Variants in LEKR1 observed in about 807,000 individuals in gnomAD.
LEKR1 encodes protein LEKR1.
In LEKR1, 59 loss-of-function variants were observed where a neutral mutation model predicts 72.4. The observed-to-expected ratio is 0.82, with a 90% CI of 0.66 to 1.01. The LOEUF is 1.01. Ranked by LOEUF, LEKR1 falls within the 50% of genes least tolerant of loss-of-function variation. The probability of loss-of-function intolerance (pLI) is 0.00; values close to 1 mark genes in which losing one functional copy is unlikely to be tolerated. For synonymous variants in LEKR1, 257 were observed against 263.2 expected, an observed-to-expected ratio of 0.98 and a Z score of 0.23; for missense variants, 728 against 759.2, an observed-to-expected ratio of 0.96 and a Z score of 0.48.
chr3:157,012,512 C>T (rs1281972818), intron 10 of LEKR1, among the ~76,000 whole-genome samples: 2 of 152,118 alleles, frequency 1.3e-5, no homozygotes, highest in East Asian at 1.9e-4. Flanking sequence ...TGCCATCCAG[C>T]ATACTGAAAC....
chr3:156,854,769 G>C (rs1715842009), intron 3 of LEKR1, among the ~76,000 whole-genome samples: 1 of 151,292 alleles, frequency 6.6e-6, no homozygotes, highest in African/African-American at 2.4e-5. Flanking sequence ...GCCTATGTTG[G>C]TCTCGAACTC....
At chr3:156,974,643 T>C (rs566801524) in intron 6 of LEKR1, among the ~76,000 whole-genome samples, 17 of 152,254 alleles carry the variant, frequency 1.1e-4, no homozygotes, top group Non-Finnish European at 2.2e-4. Flanking sequence ...CTTGGGCACA[T>C]AGAACAGAGT....
In LEKR1 at chr3:157,038,487, T is replaced by C. The variant is rs113483037; in HGVS notation, c.1669-6853T>C. Among the ~76,000 whole-genome samples, 225 of 152,300 alleles carry C rather than the reference T, an allele frequency of 1.5e-3. 1 individual carries two copies. The highest frequency in any genetic ancestry group is 5.2e-3 in the African/African-American group (216 of 41,564). On this transcript the variant is annotated intron_variant, in intron 12 of 12. Coordinates refer to ENST00000356539, the MANE Select transcript of LEKR1 (RefSeq NM_001004316.3). ...TTTGGACAATTCCACATGTAGCTGA[T>C]ACTTAACCCTTGGGACTGAATGAGA...
chr3:156,999,398 C>T (rs982429522), intron 9 of LEKR1, among the ~76,000 whole-genome samples: 1 of 152,120 alleles, frequency 6.6e-6, no homozygotes, highest in Admixed American at 6.5e-5. Flanking sequence ...TCTCCTCTCT[C>T]CTCCCCTCCC....
At chr3:156,888,303 A>T in intron 3 of LEKR1, 1 of 702,064 alleles carries the variant, frequency 1.4e-6, no homozygotes, top group Non-Finnish European at 2.6e-6. Flanking sequence ...ACAGCAAAAT[A>T]TACTTCAGAC....
chr3:156,843,209 GTA>G (rs1272179152), intron 2 of LEKR1, among the ~76,000 whole-genome samples: 5 of 152,174 alleles, frequency 3.3e-5, no homozygotes, highest in African/African-American at 1.2e-4. Flanking sequence ...TACTGTAATT[GTA>G]TATCTCTTCC....
At chr3:156,987,037 GTA>G (rs1491316347) in intron 7 of LEKR1, among the ~76,000 whole-genome samples, 6 of 145,360 alleles carry the variant, frequency 4.1e-5, no homozygotes, top group Non-Finnish European at 7.5e-5. Flanking sequence ...GTATTGTATT[GTA>G]TTGTATTGTA....
intron 10 of LEKR1, among the ~76,000 whole-genome samples, chr3:157,016,048 A>C (rs999155497): frequency 6.6e-6 from 1 of 152,154 alleles, no homozygotes; most frequent in Admixed American, 6.5e-5. Context: ...CCAAAACAAA[A>C]ACAAACAAAA....
chr3:157,026,821 G>T (rs1473957509), intron 11 of LEKR1, among the ~76,000 whole-genome samples: 1 of 152,156 alleles, frequency 6.6e-6, no homozygotes, highest in Non-Finnish European at 1.5e-5. Context: ...ATTAGAAGCA[G>T]CTCTTGTTTC....
Position 156,903,792 on chromosome 3 carries a change from G to T in LEKR1, c.264-16783G>T, listed in dbSNP as rs533059951. On this transcript the variant is annotated intron_variant, in intron 3 of 12. Transcript: ENST00000356539. ...TTACTTCTTACATCTACTGCTACCT[G>T]AAAGGGATTGCCTATTGTTTTCTCT... Among the ~76,000 whole-genome samples, 7 of 152,282 alleles carry T rather than the reference G, an allele frequency of 4.6e-5. No individual in the cohort carries two copies. In the East Asian group the frequency reaches 1.3e-3, roughly 29 times the overall value.
intron 6 of LEKR1, among the ~76,000 whole-genome samples, chr3:156,953,463 A>G (rs200806808): frequency 6.6e-6 from 1 of 151,682 alleles, no homozygotes; most frequent in East Asian, 1.9e-4. Flanking sequence ...CTAGGTATTA[A>G]GCCCAGCATC....
intron 7 of LEKR1, among the ~76,000 whole-genome samples, chr3:156,984,664 G>A (rs868256937): frequency 3.3e-5 from 5 of 152,134 alleles, no homozygotes; most frequent in Middle Eastern, 3.4e-3. Flanking sequence ...GTGACAGAGC[G>A]AGACTCGGTC....
At chr3:156,878,997 T>C (rs1245301159) in intron 3 of LEKR1, among the ~76,000 whole-genome samples, 1 of 152,162 alleles carries the variant, frequency 6.6e-6, no homozygotes, top group Non-Finnish European at 1.5e-5. Context: ...AATTATACAG[T>C]CTCGGGTATG....
chr3:157,009,573 C>T (rs1181689157), intron 9 of LEKR1, among the ~76,000 whole-genome samples: 2 of 152,164 alleles, frequency 1.3e-5, no homozygotes, highest in African/African-American at 2.4e-5. Flanking sequence ...TCTTATGAAC[C>T]TTAAATCTCC....
At chr3:156,848,256 G>A (rs927977932) in intron 2 of LEKR1, among the ~76,000 whole-genome samples, 1 of 152,180 alleles carries the variant, frequency 6.6e-6, no homozygotes, top group East Asian at 1.9e-4. Flanking sequence ...GGATTGCAGA[G>A]CCACTCTTGG....
intron 11 of LEKR1, 145 bp from the exon 12 acceptor site, chr3:157,027,958 C>T: frequency 2.1e-6 from 1 of 483,142 alleles, no homozygotes. Context: ...AAAAGAAAAT[C>T]TTGAAGGCCT....
chr3:156,879,379 G>A (rs572682571), intron 3 of LEKR1, among the ~76,000 whole-genome samples: 10 of 152,198 alleles, frequency 6.6e-5, no homozygotes, highest in African/African-American at 2.4e-4. Flanking sequence ...TGAACTTCAG[G>A]GATATGATTT....
intron 6 of LEKR1, among the ~76,000 whole-genome samples, chr3:156,976,908 T>C (rs1452574852): frequency 6.6e-6 from 1 of 152,168 alleles, no homozygotes; most frequent in Non-Finnish European, 1.5e-5. Flanking sequence ...ACCTAACAAG[T>C]ATGGGTCATC....
At chr3:156,846,173 T>G (rs900193515) in intron 2 of LEKR1, among the ~76,000 whole-genome samples, 1 of 152,194 alleles carries the variant, frequency 6.6e-6, no homozygotes, top group Non-Finnish European at 1.5e-5. Context: ...GTTTGTATCT[T>G]GAAACATGCA....
Sources: allele counts gnomAD v4.1 joint callset (sites outside exome capture counted in the v4.1 genomes callset), GRCh38; gene constraint gnomAD v4.1.1; transcripts MANE v1.5; gene names NCBI Gene and HGNC (gene_info 2026-07-23, HGNC 2026-07-21).